Variants in UTP25 observed in about 807,000 individuals in gnomAD.
UTP25 encodes the protein U3 small nucleolar RNA-associated protein 25 homolog.
In UTP25, 50 loss-of-function variants were observed where a neutral mutation model predicts 78.9. That is an observed-to-expected ratio of 0.63 (90% CI 0.50 to 0.80). The LOEUF (loss-of-function observed/expected upper bound fraction) is 0.80, where lower values mean the gene tolerates loss of function less well. Ranked by LOEUF, UTP25 falls within the 30% of genes least tolerant of loss-of-function variation. The pLI is 0.00. For missense variants in UTP25, 846 were observed against 911.3 expected, an observed-to-expected ratio of 0.93 and a Z score of 0.92; for synonymous variants, 329 against 336.5, an observed-to-expected ratio of 0.98 and a Z score of 0.24.
intron 3 of UTP25, among the ~76,000 whole-genome samples, chr1:209,832,325 T>A (rs1001885024): frequency 6.6e-6 from 1 of 152,220 alleles, no homozygotes; most frequent in Admixed American, 6.5e-5. Context: ...TATAATGGCC[T>A]TATACATTTC....
chr1:209,836,991 A>T lies in UTP25; in HGVS notation c.842A>T (p.Glu281Val). The T allele has an allele frequency of 6.2e-7, 1 of 1,614,118 alleles. No individual in the cohort carries two copies. Among genetic ancestry groups the T allele is most frequent in the Non-Finnish European group, 8.5e-7 (1 of 1,180,016 alleles). The change falls in exon 6 of 12, where the codon GAA becomes GTA. Residue 281 changes from glutamate to valine, a missense_variant. By Grantham distance (121) the Glu-to-Val change is moderately radical. Coordinates refer to ENST00000491415, the MANE Select transcript of UTP25 (RefSeq NM_014388.7). ...AGCCCATTCACCCCCCTCCAGAAAGAACTCTTCTTAATTATGAATTCTTAC... is the reference window on the plus strand; with the variant it reads ...AGCCCATTCACCCCCCTCCAGAAAGTACTCTTCTTAATTATGAATTCTTAC... The part of the protein sequence containing the change: ...SSSPFTPLQK[E>V]LFLIMNSYRD...
chr1:209,831,137 G>A (rs967066456), intron 3 of UTP25, 94 bp downstream of exon 3: 1 of 1,299,054 alleles, frequency 7.7e-7, no homozygotes, highest in Non-Finnish European at 1.1e-6. Context: ...TGAGTTGGAT[G>A]AAAGGACATG....
rs1357696768 is a variant in UTP25 at position 209,856,505 on chromosome 1, T to G, written c.*5058T>G. 2.6e-5 allele frequency: 4 copies of G among 151,824 alleles called. No homozygotes were observed. The highest frequency in any genetic ancestry group is 5.9e-5 in the Non-Finnish European group (4 of 67,964). 9.4% of individuals were successfully genotyped at this position (151,824 alleles called of 1,614,324 possible). On this transcript the variant is annotated 3_prime_UTR_variant, in exon 12 of 12. Transcript: ENST00000491415. ...GCTATAAGCTCTGTACGTAGGAGAG[T>G]GGTGAAGAAAGGAGCTTGGTTCTGC...
intron 8 of UTP25, among the ~76,000 whole-genome samples, chr1:209,841,947 C>T (rs2102576722): frequency 6.6e-6 from 1 of 152,284 alleles, no homozygotes. Context: ...TGGCATTTCC[C>T]TTCTTGTCCA....
intron 11 of UTP25, among the ~76,000 whole-genome samples, chr1:209,850,422 A>G (rs761562121): frequency 6.6e-5 from 10 of 152,250 alleles, no homozygotes; most frequent in Non-Finnish European, 1.2e-4. Flanking sequence ...AAAGAAATAA[A>G]ATCCCCAAGG....
At chr1:209,832,874 A>C (rs560284960) in intron 3 of UTP25, among the ~76,000 whole-genome samples, 1 of 152,248 alleles carries the variant, frequency 6.6e-6, no homozygotes, top group Admixed American at 6.5e-5. Context: ...ACAGAGCCAG[A>C]CCCTGTCTCA....
chr1:209,836,654 T>A (rs926339392), intron 5 of UTP25, 147 bp from the exon 6 acceptor site: 5 of 806,484 alleles, frequency 6.2e-6, no homozygotes, highest in Middle Eastern at 2.6e-4. Flanking sequence ...ATAACATGAG[T>A]ATCATGGTAA....
intron 11 of UTP25, among the ~76,000 whole-genome samples, chr1:209,847,124 C>T (rs1438418143): frequency 1.3e-5 from 2 of 151,592 alleles, no homozygotes; most frequent in Admixed American, 6.6e-5. Context: ...TTTATGTGCT[C>T]ATTTAAAAAA....
At chr1:209,828,271 T>G in intron 1 of UTP25, 101 bp downstream of exon 1, 32 of 856,890 alleles carry the variant, frequency 3.7e-5, no homozygotes, top group Non-Finnish European at 5.1e-5. Context: ...TTTCCCACTA[T>G]TCCCTGGCTC....
chr1:209,841,017 G>A lies in UTP25; in HGVS notation c.1447G>A (p.Ala483Thr). Reference protein sequence around the residue: ...SSIELLIIDQADIYLMQNWEH... With the variant: ...SSIELLIIDQTDIYLMQNWEH... ...TATCGAGCTTCTCATCATTGATCAA[G>A]CTGACATTTACCTGATGCAGAACTG... Residue 483 changes from alanine to threonine, a missense_variant, in exon 8 of 12, where the codon GCT becomes ACT. By Grantham distance (58) the Ala-to-Thr change is moderately conservative (BLOSUM62 0). Transcript: ENST00000491415. 1 of 1,614,024 alleles carries A rather than the reference G, an allele frequency of 6.2e-7. No homozygotes were observed. The highest frequency in any genetic ancestry group is 8.5e-7 in the Non-Finnish European group (1 of 1,179,942).
In UTP25 at chr1:209,842,728, C is replaced by T. The variant is rs73093855; in HGVS notation, c.1781+33C>T. ...ACTCCTCCCAGCAGGCCCCTGGGGA[C>T]CACATAGAGAGATTTGACTTGGGCA... On this transcript the variant is annotated intron_variant, in intron 10 of 11. Coordinates refer to ENST00000491415, the MANE Select transcript of UTP25 (RefSeq NM_014388.7). The T allele has an allele frequency of 2.7e-6, 4 of 1,508,404 alleles. No individual in the cohort carries two copies. In the Admixed American group the frequency reaches 5.6e-5, roughly 21 times the overall value. 93.4% of individuals were successfully genotyped at this position (1,508,404 alleles called of 1,614,324 possible). A position where few individuals can be genotyped will look rare whatever the true frequency, so the allele number is the denominator to read the frequency against.
rs145890128 is a variant in UTP25, at chr1:209,853,192, G to T, written c.*1745G>T. ...CAGAAAATTTAGTTAGATAAAAGCCGACCGAACCCATGCTACAAAGAACTT... is the reference window on the plus strand; with the variant it reads ...CAGAAAATTTAGTTAGATAAAAGCCTACCGAACCCATGCTACAAAGAACTT... On this transcript the variant is annotated 3_prime_UTR_variant, in exon 12 of 12. Coordinates refer to ENST00000491415, the MANE Select transcript of UTP25 (RefSeq NM_014388.7). 1 of 152,030 alleles carries T rather than the reference G, an allele frequency of 6.6e-6. No homozygotes were observed. The highest frequency in any genetic ancestry group is 6.6e-5 in the Admixed American group (1 of 15,252). 9.4% of individuals were successfully genotyped at this position (152,030 alleles called of 1,614,324 possible). A position where few individuals can be genotyped will look rare whatever the true frequency, so the allele number is the denominator to read the frequency against.
intron 11 of UTP25, 34 bp from the exon 12 acceptor site, chr1:209,851,170 A>G (rs2102584122): frequency 6.3e-7 from 1 of 1,588,594 alleles, no homozygotes; most frequent in Non-Finnish European, 8.6e-7. Flanking sequence ...TTGTTTCTCA[A>G]GTTGACATAG....
In UTP25 at chr1:209,854,712, G is replaced by A. The variant is rs1358737185; in HGVS notation, c.*3265G>A. 1 of 152,396 alleles carries A rather than the reference G, an allele frequency of 6.6e-6. No individual in the cohort carries two copies. Among genetic ancestry groups the A allele is most frequent in the Non-Finnish European group, 1.5e-5 (1 of 68,192 alleles). The allele number at this position is 152,396 out of a possible 1,614,324, so 9.4% of individuals were successfully genotyped here. A position where few individuals can be genotyped will look rare whatever the true frequency, so the allele number is the denominator to read the frequency against. ...AAGATTACAGAAGGCCTGGGGTGAG[G>A]GAGCAAGAGTTGGAAGTTCTTTATA... On this transcript the variant is annotated 3_prime_UTR_variant, in exon 12 of 12. Coordinates refer to ENST00000491415, the MANE Select transcript of UTP25 (RefSeq NM_014388.7).
At position 209,840,981 on chromosome 1, in the gene UTP25, T is replaced by C. The variant is rs374276645; in HGVS notation, c.1411T>C (p.Phe471Leu). The C allele has an allele frequency of 1.7e-5, 27 of 1,614,006 alleles. No individual in the cohort carries two copies. In the African/African-American group the frequency reaches 3.3e-4, roughly 20 times the overall value. Residue 471 changes from phenylalanine (F) to leucine (L), a missense_variant, in exon 8 of 12, where the codon TTT (phenylalanine) becomes CTT (leucine). By Grantham distance (22) the Phe-to-Leu change is conservative. Transcript: ENST00000491415. ...GEGEKKRDFDFLSSIELLIID... is the reference protein window; with the variant it reads ...GEGEKKRDFDLLSSIELLIID... ...AGGAGAGAAGAAGAGAGATTTTGAC[T>C]TTCTGTCTTCTATCGAGCTTCTCAT... is the stretch of plus-strand genomic sequence containing the variant.
chr1:209,841,032 A>G lies in UTP25; in HGVS notation c.1462A>G (p.Met488Val). The G allele has an allele frequency of 6.2e-7, 1 of 1,614,052 alleles. No homozygotes were observed. Among genetic ancestry groups the G allele is most frequent in the Non-Finnish European group, 8.5e-7 (1 of 1,179,926 alleles). ...LIIDQADIYL[M>V]QNWEHVLHLM... ...CATTGATCAAGCTGACATTTACCTG[A>G]TGCAGAACTGGGAGCATGTCCTGGT... Residue 488 changes from methionine (M) to valine (V), a missense_variant, in exon 8 of 12, where the codon ATG (methionine) becomes GTG (valine). Transcript: ENST00000491415.
chr1:209,849,513 G>A (rs1459338517), intron 11 of UTP25, among the ~76,000 whole-genome samples: 2 of 152,048 alleles, frequency 1.3e-5, no homozygotes, highest in African/African-American at 4.8e-5. Context: ...GCGATTAGGG[G>A]TGGGGGACAG....
chr1:209,838,407 T>TG (rs2078146681), intron 6 of UTP25, among the ~76,000 whole-genome samples: 1 of 234 alleles, frequency 4.3e-3, no homozygotes, highest in Non-Finnish European at 9.1e-3. Context: ...TGAAACACTG[T>TG]ATAGAGAATG....
intron 1 of UTP25, 111 bp downstream of exon 1, chr1:209,828,281 C>T (rs1024720220): frequency 2.5e-6 from 2 of 801,402 alleles, no homozygotes; most frequent in South Asian, 3.1e-5. Flanking sequence ...TTCCCTGGCT[C>T]CCGCTGTGCT....
Sources: gnomAD v4.1 joint callset for allele counts (sites outside exome capture counted in the v4.1 genomes callset) on GRCh38, gnomAD v4.1.1 for gene constraint, MANE v1.5 for transcripts, NCBI Gene and HGNC (gene_info 2026-07-23, HGNC 2026-07-21) for gene names.